The following ASIC2 variants were observed in gnomAD, a reference collection of about 807,000 sequenced individuals.
ASIC2 encodes the protein acid sensing ion channel subunit 2.
ASIC2 carries 25 observed loss-of-function variants against 57.3 expected under a neutral mutation model. The ratio of observed to expected loss-of-function variants is 0.44; its 90% CI spans 0.32 to 0.61. The LOEUF is 0.61. ASIC2 is among the 20% of genes least tolerant of loss of function. ASIC2 has a pLI of 0.06. For synonymous variants in ASIC2, 319 were observed against 307.5 expected, an observed-to-expected ratio of 1.04 and a Z score of -0.39; for missense variants, 641 against 738.1, an observed-to-expected ratio of 0.87 and a Z score of 1.52.
At chr17:33,247,428 G>A (rs1184479813) in intron 1 of ASIC2, among the ~76,000 whole-genome samples, 6 of 152,092 alleles carry the variant, frequency 3.9e-5, no homozygotes, top group Admixed American at 2.0e-4. Context: ...GCTCTCCTTC[G>A]GATCTCTTTT....
At chr17:33,954,656 G>A (rs1417029054) in intron 1 of ASIC2, among the ~76,000 whole-genome samples, 1 of 152,228 alleles carries the variant, frequency 6.6e-6, no homozygotes, top group East Asian at 1.9e-4. Flanking sequence ...CCAAGGACAA[G>A]GGTAGCCTGA....
intron 1 of ASIC2, among the ~76,000 whole-genome samples, chr17:33,600,657 C>T (rs1206544227): frequency 1.3e-5 from 2 of 152,076 alleles, no homozygotes; most frequent in African/African-American, 2.4e-5. Flanking sequence ...TTGGTGATGA[C>T]CTTGAGTGCT....
chr17:33,834,853 G>A (rs1913225472), intron 1 of ASIC2, among the ~76,000 whole-genome samples: 1 of 152,182 alleles, frequency 6.6e-6, no homozygotes, highest in Non-Finnish European at 1.5e-5. Context: ...TGCCCAGGCA[G>A]TGTCCTGTTC....
At chr17:33,799,399 TTTC>T (rs1400901781) in intron 1 of ASIC2, among the ~76,000 whole-genome samples, 3 of 54,804 alleles carry the variant, frequency 5.5e-5, no homozygotes, top group Non-Finnish European at 8.8e-5. Flanking sequence ...TCTTTCTTTC[TTTC>T]TTTTCTTTCT....
intron 1 of ASIC2, chr17:34,005,069 G>A (rs1039951305): frequency 2.6e-5 from 4 of 152,144 alleles, no homozygotes; most frequent in African/African-American, 9.7e-5. Context: ...CAGGGGATGA[G>A]GGGTGAGCAC....
At chr17:33,385,663 G>A (rs1567843912) in intron 1 of ASIC2, among the ~76,000 whole-genome samples, 1 of 152,190 alleles carries the variant, frequency 6.6e-6, no homozygotes, top group Non-Finnish European at 1.5e-5. Context: ...GAGGCCTGCC[G>A]GAGTGAAAAG....
chr17:33,900,332 G>C (rs1050171442), intron 1 of ASIC2, among the ~76,000 whole-genome samples: 11 of 152,114 alleles, frequency 7.2e-5, no homozygotes, highest in Non-Finnish European at 1.5e-4. Flanking sequence ...TTGCCTTCTT[G>C]TTCTGGATAT....
At chr17:33,346,226 C>CAAAAAAA (rs57042563) in intron 1 of ASIC2, among the ~76,000 whole-genome samples, 1 of 57,770 alleles carries the variant, frequency 1.7e-5, no homozygotes, top group African/African-American at 7.7e-5. Flanking sequence ...GATTCCCTCT[C>CAAAAAAA]AAAAAAAAAA....
intron 1 of ASIC2, chr17:34,039,591 G>T (rs986353139): frequency 1.5e-5 from 25 of 1,613,864 alleles, no homozygotes; most frequent in Non-Finnish European, 1.9e-5. Flanking sequence ...TTCCCGGCCC[G>T]CTTCCCCCAG....
chr17:33,610,936 A>G (rs1905386812), intron 1 of ASIC2, among the ~76,000 whole-genome samples: 1 of 152,104 alleles, frequency 6.6e-6, no homozygotes, highest in Non-Finnish European at 1.5e-5. Context: ...TTCCCACACA[A>G]CTGGTGCCTA....
At chr17:33,082,506 C>T (rs934805721) in intron 3 of ASIC2, among the ~76,000 whole-genome samples, 24 of 152,014 alleles carry the variant, frequency 1.6e-4, no homozygotes, top group Non-Finnish European at 2.9e-4. Flanking sequence ...CGAGACCAGT[C>T]TGGTCAAAGT....
At chr17:34,031,548 A>G (rs528887673) in intron 1 of ASIC2, among the ~76,000 whole-genome samples, 10 of 152,356 alleles carry the variant, frequency 6.6e-5, no homozygotes, top group African/African-American at 2.4e-4. Flanking sequence ...AAGGCTTCAG[A>G]TGATCAAACT....
At chr17:33,384,085 T>C (rs1028005991) in intron 1 of ASIC2, among the ~76,000 whole-genome samples, 4 of 152,164 alleles carry the variant, frequency 2.6e-5, no homozygotes, top group African/African-American at 9.7e-5. Context: ...TGGAATGGGA[T>C]ACTCACTTCT....
intron 1 of ASIC2, among the ~76,000 whole-genome samples, chr17:33,177,213 T>C (rs1905795210): frequency 6.6e-6 from 1 of 152,212 alleles, no homozygotes. Context: ...CACTGGCCTC[T>C]GATCTGCTTA....
chr17:33,693,623 A>G (rs982705569), intron 1 of ASIC2, among the ~76,000 whole-genome samples: 1 of 152,204 alleles, frequency 6.6e-6, no homozygotes, highest in Admixed American at 6.5e-5. Flanking sequence ...GAGGAGCTCA[A>G]AGGAATGTTG....
At chr17:34,088,578 G>A (rs1463520827) in intron 1 of ASIC2, among the ~76,000 whole-genome samples, 3 of 152,170 alleles carry the variant, frequency 2.0e-5, no homozygotes. Context: ...TGTCAGACAG[G>A]GACATTTAAG....
chr17:33,024,161 G>C, intron 5 of ASIC2, 147 bp from the exon 6 acceptor site: 1 of 1,031,514 alleles, frequency 9.7e-7, no homozygotes, highest in Non-Finnish European at 1.4e-6. Flanking sequence ...GTGGAGAGAG[G>C]GGAACTGGGC....
intron 1 of ASIC2, chr17:33,580,228 A>T (rs750920401): frequency 5.9e-5 from 9 of 152,116 alleles, no homozygotes; most frequent in Non-Finnish European, 1.0e-4. Context: ...TTCCATCTGG[A>T]TCTAATTAAA....
At chr17:34,115,384 G>A (rs1166889142) in intron 1 of ASIC2, among the ~76,000 whole-genome samples, 1 of 152,130 alleles carries the variant, frequency 6.6e-6, no homozygotes, top group Non-Finnish European at 1.5e-5. Flanking sequence ...CCTTAATGTT[G>A]CCCATGACAA....
Sources: allele counts gnomAD v4.1 joint callset (sites outside exome capture counted in the v4.1 genomes callset), GRCh38; gene constraint gnomAD v4.1.1; transcripts MANE v1.5; gene names NCBI Gene and HGNC (gene_info 2026-07-23, HGNC 2026-07-21).